The following GRM7 variants were observed in gnomAD, a reference collection of about 807,000 sequenced individuals.
The protein encoded by GRM7 is glutamate metabotropic receptor 7.
Under a neutral mutation model 84.5 loss-of-function variants are expected in GRM7, and 35 were observed. That is an observed-to-expected ratio of 0.41 (90% CI 0.32 to 0.55). The LOEUF is 0.55. GRM7 is among the 20% of genes least tolerant of loss of function. The pLI is 0.19. For missense variants in GRM7, 1,003 were observed against 1,194.6 expected (o/e 0.84, Z 2.36); for synonymous variants, 487 against 455.1 (o/e 1.07, Z -0.89).
chr3:7,474,206 G>T (rs1356802952), intron 7 of GRM7, among the ~76,000 whole-genome samples: 2 of 152,130 alleles, frequency 1.3e-5, no homozygotes, highest in African/African-American at 4.8e-5. Flanking sequence ...TGTTGCTTAA[G>T]CAAGACAATT....
intron 2 of GRM7, among the ~76,000 whole-genome samples, chr3:7,147,054 G>A (rs1212603469): frequency 1.3e-5 from 2 of 152,110 alleles, no homozygotes; most frequent in Non-Finnish European, 2.9e-5. Context: ...TTAGAATTAC[G>A]TGAATGCAAT....
chr3:7,597,723 G>C (rs918077234), intron 8 of GRM7, among the ~76,000 whole-genome samples: 1 of 152,090 alleles, frequency 6.6e-6, no homozygotes, highest in African/African-American at 2.4e-5. Context: ...AGATCTTAAA[G>C]TATGTTTTTT....
At chr3:7,489,674 A>C (rs951527660) in intron 7 of GRM7, among the ~76,000 whole-genome samples, 9 of 152,120 alleles carry the variant, frequency 5.9e-5, no homozygotes, top group Non-Finnish European at 8.8e-5. Flanking sequence ...TGTATGCATA[A>C]TATTGCTTAC....
In GRM7 at chr3:6,889,040, A is replaced by G. The variant is rs571149675; in HGVS notation, c.519+27133A>G. ...TGATTTGGCTCTCTGTTTGTCTGTTATTTGTGTATAAGAATGCTTGTGATT... is the reference window on the plus strand; with the variant it reads ...TGATTTGGCTCTCTGTTTGTCTGTTGTTTGTGTATAAGAATGCTTGTGATT... On this transcript the variant is annotated intron_variant, in intron 1 of 9. Transcript: ENST00000357716. Among the ~76,000 whole-genome samples the G allele has an allele frequency of 3.3e-3, 506 of 151,958 alleles. 8 individuals carry two copies. Among genetic ancestry groups the G allele is most frequent in the African/African-American group, 0.012 (490 of 41,326 alleles).
intron 1 of GRM7, among the ~76,000 whole-genome samples, chr3:7,095,749 G>A (rs1574895595): frequency 6.6e-6 from 1 of 152,022 alleles, no homozygotes; most frequent in South Asian, 2.1e-4. Context: ...TGACTTCTGT[G>A]CCCATGTAGC....
intron 1 of GRM7, among the ~76,000 whole-genome samples, chr3:6,953,023 C>G (rs1320283391): frequency 6.6e-6 from 1 of 152,120 alleles, no homozygotes; most frequent in African/African-American, 2.4e-5. Context: ...TTAGTGAGGG[C>G]AATATGAGCT....
intron 4 of GRM7, among the ~76,000 whole-genome samples, chr3:7,407,855 G>T (rs935462663): frequency 1.3e-5 from 2 of 152,162 alleles, no homozygotes; most frequent in Non-Finnish European, 2.9e-5. Flanking sequence ...TAGTGTTAAA[G>T]TACAAAGTTT....
At chr3:7,145,842 C>T (rs112356792) in intron 1 of GRM7, among the ~76,000 whole-genome samples, 1 of 152,130 alleles carries the variant, frequency 6.6e-6, no homozygotes, top group African/African-American at 2.4e-5. Context: ...GAAAGCCTGT[C>T]AATGTGCAAA....
chr3:7,535,938 G>T (rs1340730207), intron 7 of GRM7, among the ~76,000 whole-genome samples: 2 of 152,196 alleles, frequency 1.3e-5, no homozygotes, highest in Non-Finnish European at 2.9e-5. Flanking sequence ...TCTGCGTAAG[G>T]TGGGAAGTAA....
At chr3:7,196,527 A>G (rs1695885052) in intron 2 of GRM7, among the ~76,000 whole-genome samples, 1 of 151,962 alleles carries the variant, frequency 6.6e-6, no homozygotes, top group South Asian at 2.1e-4. Flanking sequence ...TAGCAAACAC[A>G]AATTTCTGTT....
rs190718826 is a variant in GRM7 at position 7,576,205 on chromosome 3, C to T, written c.1516-2217C>T. Among the ~76,000 whole-genome samples, 165 of 152,248 alleles carry T rather than the reference C, an allele frequency of 1.1e-3. 1 individual carries two copies. The highest frequency in any genetic ancestry group is 9.5e-3 in the Admixed American group (146 of 15,300). ...AAATTTGACATTTGTAAAGTTAATG[C>T]GATCTTTCTCTCTTGTCATAAGTTA... On this transcript the variant is annotated intron_variant, in intron 7 of 9. Transcript: ENST00000357716.
chr3:7,388,432 G>A (rs1575260963), intron 4 of GRM7, among the ~76,000 whole-genome samples: 1 of 152,042 alleles, frequency 6.6e-6, no homozygotes, highest in Admixed American at 6.6e-5. Context: ...CCAAATTTTG[G>A]TATCAGAATG....
At chr3:7,378,830 T>G (rs1316903948) in intron 4 of GRM7, among the ~76,000 whole-genome samples, 2 of 152,210 alleles carry the variant, frequency 1.3e-5, no homozygotes, top group Non-Finnish European at 1.5e-5. Context: ...TTTAAAATTT[T>G]CTTTAAGCGT....
At chr3:7,414,953 T>G in intron 4 of GRM7, 70 bp from the exon 5 acceptor site, 4 of 1,331,652 alleles carry the variant, frequency 3.0e-6, no homozygotes, top group Non-Finnish European at 4.1e-6. Context: ...AAAAAGTCAC[T>G]TTTATTTTTA....
intron 8 of GRM7, among the ~76,000 whole-genome samples, chr3:7,583,559 C>T (rs1393861124): frequency 6.6e-5 from 10 of 152,152 alleles, no homozygotes; most frequent in Non-Finnish European, 1.0e-4. Flanking sequence ...GATTTAGTTT[C>T]GGATTCTTGA....
At chr3:6,925,339 G>C (rs564553) in intron 1 of GRM7, among the ~76,000 whole-genome samples, 102,332 of 151,976 alleles carry the variant, frequency 0.67, 34,695 homozygotes, top group African/African-American at 0.75. Flanking sequence ...ATGAATGAAT[G>C]AATCAATCAA....
chr3:7,474,835 T>C (rs1698857208), intron 7 of GRM7, among the ~76,000 whole-genome samples: 1 of 152,140 alleles, frequency 6.6e-6, no homozygotes. Context: ...TAAGAGCTGC[T>C]CCTTAAAAGA....
In GRM7 at chr3:6,958,716, C is replaced by T. The variant is rs1182007943; in HGVS notation, c.519+96809C>T. Among the ~76,000 whole-genome samples, 3 of 152,076 alleles carry T rather than the reference C, an allele frequency of 2.0e-5. No individual in the cohort carries two copies. The East Asian group carries it at 5.8e-4, about 29-fold the overall frequency. On this transcript the variant is annotated intron_variant, in intron 1 of 9. Coordinates refer to ENST00000357716, the MANE Select transcript of GRM7 (RefSeq NM_000844.4). ...TTCCTAAGAACTAATATGGATGTTA[C>T]CAATTTCATACCCTAAAATCCATGA...
intron 1 of GRM7, among the ~76,000 whole-genome samples, chr3:7,108,353 C>G (rs1290063321): frequency 6.6e-6 from 1 of 152,112 alleles, no homozygotes; most frequent in Non-Finnish European, 1.5e-5. Context: ...TATGGACAGG[C>G]TTTGTGAAGA....
Sources: allele counts gnomAD v4.1 joint callset (sites outside exome capture counted in the v4.1 genomes callset), GRCh38; gene constraint gnomAD v4.1.1; transcripts MANE v1.5; gene names NCBI Gene and HGNC (gene_info 2026-07-23, HGNC 2026-07-21).